Variants in SP140L observed in about 807,000 individuals in gnomAD.
The protein encoded by SP140L is SP140 like nuclear body protein, also known as nuclear body protein SP140-like protein.
Under a neutral mutation model 84.3 loss-of-function variants are expected in SP140L, and 64 were observed. The observed-to-expected ratio is 0.76, with a 90% CI of 0.62 to 0.94. The LOEUF (loss-of-function observed/expected upper bound fraction) is 0.94, where lower values mean the gene tolerates loss of function less well. Among genes scored for constraint, SP140L ranks in the 40% least tolerant of loss-of-function variants. The pLI is 0.00. For missense variants in SP140L, 628 were observed against 692.5 expected (o/e 0.91, Z 1.05); for synonymous variants, 242 against 236.9 (o/e 1.02, Z -0.20).
chr2:230,344,252 A>G (rs1575447211), intron 2 of SP140L, among the ~76,000 whole-genome samples: 1 of 151,990 alleles, frequency 6.6e-6, no homozygotes, highest in Non-Finnish European at 1.5e-5. Context: ...GTTGAATTGA[A>G]CCCTTTACCA....
intron 15 of SP140L, 197 bp downstream of exon 15, chr2:230,400,439 A>C (rs1363682294): frequency 2.1e-5 from 12 of 584,124 alleles, no homozygotes; most frequent in Non-Finnish European, 3.1e-6. Context: ...GCTCTCAGGG[A>C]CACCTCCTCT....
intron 7 of SP140L, among the ~76,000 whole-genome samples, chr2:230,378,141 A>G (rs978599904): frequency 1.3e-5 from 2 of 152,072 alleles, no homozygotes; most frequent in African/African-American, 4.8e-5. Flanking sequence ...GTTTAGGTCT[A>G]TTACTTGACT....
At chr2:230,334,260 C>T (rs567712328) in intron 2 of SP140L, among the ~76,000 whole-genome samples, 2 of 152,348 alleles carry the variant, frequency 1.3e-5, no homozygotes, top group South Asian at 4.1e-4. Flanking sequence ...AGCATTTCCT[C>T]TGCAAGTAAT....
At chr2:230,371,023 G>A (rs367791184) in intron 6 of SP140L, 56 bp downstream of exon 6, 59 of 1,502,722 alleles carry the variant, frequency 3.9e-5, no homozygotes, top group Non-Finnish European at 5.1e-5. Context: ...CACAGACCCT[G>A]GGAAGAGTGG....
At chr2:230,369,981 C>T (rs1003820804) in intron 5 of SP140L, among the ~76,000 whole-genome samples, 1 of 148,132 alleles carries the variant, frequency 6.8e-6, no homozygotes, top group African/African-American at 2.7e-5. Context: ...ACCCTGTTGG[C>T]CAGGCTGGTC....
chr2:230,346,827 C>A (rs2060223110), intron 2 of SP140L, among the ~76,000 whole-genome samples: 1 of 152,100 alleles, frequency 6.6e-6, no homozygotes, highest in African/African-American at 2.4e-5. Context: ...TTGTAGTTCA[C>A]CGAACTTTTT....
At chr2:230,340,069 C>T (rs1468515416) in intron 2 of SP140L, among the ~76,000 whole-genome samples, 1 of 146,094 alleles carries the variant, frequency 6.8e-6, no homozygotes, top group African/African-American at 2.6e-5. Context: ...TCTCGTTGAT[C>T]TGTCTAATAT....
rs1361937776 is a variant in SP140L at position 230,400,209 on chromosome 2, A to G, written c.1280A>G (p.Glu427Gly). Residue 427 changes from glutamate to glycine, a missense_variant, in exon 15 of 19, where the codon GAG becomes GGG. Transcript: ENST00000415673. The part of the protein sequence containing the change: ...CCDTCSRVFH[E>G]DCHIPPVESE... ...GACACTTGTTCAAGAGTCTTCCATG[A>G]GGACTGCCACATCCCACCTGTGGAA... 1.9e-5 allele frequency: 30 copies of G among 1,614,078 alleles called. No individual in the cohort carries two copies. Among genetic ancestry groups the G allele is most frequent in the Non-Finnish European group, 2.5e-5 (29 of 1,180,040 alleles).
intron 7 of SP140L, among the ~76,000 whole-genome samples, chr2:230,379,313 T>C (rs1220292890): frequency 6.6e-6 from 1 of 152,142 alleles, no homozygotes; most frequent in Non-Finnish European, 1.5e-5. Flanking sequence ...TGATTTCTGA[T>C]GGATTGATAT....
intron 2 of SP140L, 124 bp downstream of exon 2, chr2:230,328,955 C>T (rs560391752): frequency 3.6e-6 from 5 of 1,380,618 alleles, no homozygotes; most frequent in Non-Finnish European, 4.7e-6. Flanking sequence ...TATTTTTTGC[C>T]AATGTGATTC....
chr2:230,354,894 A>AAAGAAAGAAAAGAAAGAAAGG (rs1221299840), intron 2 of SP140L, among the ~76,000 whole-genome samples: 2 of 148,686 alleles, frequency 1.3e-5, no homozygotes, highest in East Asian at 4.0e-4. Context: ...AGAAAGAAAG[A>AAAGAAAGAAAAGAAAGAAAGG]AAGGAAAGAG....
chr2:230,358,481 G>C (rs2060616286), intron 3 of SP140L, among the ~76,000 whole-genome samples: 1 of 152,152 alleles, frequency 6.6e-6, no homozygotes, highest in Admixed American at 6.5e-5. Flanking sequence ...CCCTGTTGGA[G>C]ATACAGAACA....
intron 7 of SP140L, among the ~76,000 whole-genome samples, chr2:230,380,063 T>C (rs2061357122): frequency 6.6e-6 from 1 of 152,146 alleles, no homozygotes; most frequent in South Asian, 2.1e-4. Context: ...GGGTAATTTG[T>C]AAGGAAAAAG....
Position 230,392,193 on chromosome 2 carries a change from G to A in SP140L, c.1071G>A (p.Val357=), listed in dbSNP as rs1231203446. The change falls in exon 12 of 19, where the codon GTG becomes GTA. Residue 357 remains valine (V), a synonymous_variant. Transcript: ENST00000415673. Reference sequence around the variant, plus strand: ...GATCAAAGAACTGGAGGCTGAGTGTGCGCTGTGGCGGGTGGCCCCTACGAC... The same window carrying A: ...GATCAAAGAACTGGAGGCTGAGTGTACGCTGTGGCGGGTGGCCCCTACGAC... ...YARSKNWRLS[V]RCGGWPLRRL... is the part of the protein sequence containing the mutation. 4.3e-6 allele frequency: 7 copies of A among 1,614,104 alleles called. No individual in the cohort carries two copies. In the South Asian group the frequency reaches 7.7e-5, roughly 18 times the overall value.
intron 9 of SP140L, among the ~76,000 whole-genome samples, chr2:230,388,227 A>G (rs567317042): frequency 1.3e-5 from 2 of 152,316 alleles, no homozygotes; most frequent in South Asian, 2.1e-4. Flanking sequence ...TTTCAAATAT[A>G]TATTTGAAAT....
At chr2:230,336,921 C>T (rs1436246152) in intron 2 of SP140L, among the ~76,000 whole-genome samples, 1 of 152,098 alleles carries the variant, frequency 6.6e-6, no homozygotes, top group East Asian at 1.9e-4. Flanking sequence ...TCAGTTTTGC[C>T]ACAGAGCTCT....
At chr2:230,362,544 A>C (rs1206667722) in intron 5 of SP140L, among the ~76,000 whole-genome samples, 1 of 151,998 alleles carries the variant, frequency 6.6e-6, no homozygotes. Context: ...AGAAGGAAGG[A>C]GGGGAAGTTA....
intron 5 of SP140L, among the ~76,000 whole-genome samples, chr2:230,363,876 C>T (rs1339685532): frequency 2.0e-5 from 3 of 152,058 alleles, no homozygotes; most frequent in Non-Finnish European, 2.9e-5. Flanking sequence ...TAATTTCATT[C>T]TTCTGCACGT....
Position 230,388,625 on chromosome 2 carries a change from G to A in SP140L, c.851G>A (p.Arg284Gln), listed in dbSNP as rs759252364. Residue 284 changes from arginine to glutamine, a missense_variant, in exon 10 of 19, where the codon CGA becomes CAA. Arg to Gln is a conservative substitution (Grantham distance 43). Coordinates refer to ENST00000415673, the MANE Select transcript of SP140L (RefSeq NM_138402.6). The part of the protein sequence containing the change: ...QSDRAPQKRV[R>Q]SRASRKHKDE... The stretch of plus-strand genomic sequence containing the variant: ...GACAGAGCTCCACAGAAAAGAGTCC[G>A]ATCAAGAGGTAAAAAAGAAAAGAGG... 2.4e-5 allele frequency: 38 copies of A among 1,606,522 alleles called. No homozygotes were observed. Among genetic ancestry groups the A allele is most frequent in the South Asian group, 4.5e-5 (4 of 89,146 alleles).
Sources: allele counts gnomAD v4.1 joint callset (sites outside exome capture counted in the v4.1 genomes callset), GRCh38; gene constraint gnomAD v4.1.1; transcripts MANE v1.5; gene names NCBI Gene and HGNC (gene_info 2026-07-23, HGNC 2026-07-21).